The following CLINT1 variants were observed in gnomAD, a reference collection of about 807,000 sequenced individuals.
The protein encoded by CLINT1 is clathrin interactor 1.
Under a neutral mutation model 70.4 loss-of-function variants are expected in CLINT1, and 15 were observed. The ratio of observed to expected loss-of-function variants is 0.21; its 90% CI spans 0.14 to 0.33. The LOEUF (loss-of-function observed/expected upper bound fraction) is 0.33, where lower values mean the gene tolerates loss of function less well. Ranked by LOEUF, CLINT1 falls within the 10% of genes least tolerant of loss-of-function variation. The pLI, the probability that CLINT1 is intolerant of heterozygous loss-of-function variation, is 1.00. For synonymous variants in CLINT1, 227 were observed against 254.7 expected (o/e 0.89, Z 1.04); for missense variants, 615 against 778.1 (o/e 0.79, Z 2.49).
At chr5:157,851,762 T>C (rs1174622369) in intron 1 of CLINT1, among the ~76,000 whole-genome samples, 11 of 151,886 alleles carry the variant, frequency 7.2e-5, no homozygotes, top group Admixed American at 7.2e-4. Context: ...GTACAAACCA[T>C]TCATGTGCAC....
intron 3 of CLINT1, among the ~76,000 whole-genome samples, chr5:157,815,119 AT>A (rs1762678763): frequency 7.1e-6 from 1 of 140,772 alleles, no homozygotes; most frequent in African/African-American, 3.0e-5. Flanking sequence ...ATCTTCACAC[AT>A]ACACACACAC....
At chr5:157,800,899 T>C (rs1358830651) in intron 8 of CLINT1, among the ~76,000 whole-genome samples, 1 of 152,218 alleles carries the variant, frequency 6.6e-6, no homozygotes. Context: ...CTGACCTTCC[T>C]AGTTAATTCT....
intron 5 of CLINT1, among the ~76,000 whole-genome samples, chr5:157,811,272 T>A (rs1762547416): frequency 6.6e-6 from 1 of 152,112 alleles, no homozygotes; most frequent in Admixed American, 6.5e-5. Context: ...CCGGGTGCGG[T>A]GGCTCATGCC....
chr5:157,816,476 T>C (rs938497598), intron 3 of CLINT1, among the ~76,000 whole-genome samples: 2 of 152,182 alleles, frequency 1.3e-5, no homozygotes, highest in African/African-American at 4.8e-5. Flanking sequence ...TTATTTTTGA[T>C]ATGCACAAAC....
At chr5:157,793,598 A>G (rs1761981382) in intron 9 of CLINT1, among the ~76,000 whole-genome samples, 1 of 152,202 alleles carries the variant, frequency 6.6e-6, no homozygotes, top group African/African-American at 2.4e-5. Context: ...AACTTTATAT[A>G]CATAAAAACT....
At chr5:157,847,510 C>CAA (rs71285035) in intron 1 of CLINT1, among the ~76,000 whole-genome samples, 11 of 134,974 alleles carry the variant, frequency 8.1e-5, no homozygotes, top group Non-Finnish European at 1.4e-4. Flanking sequence ...GACTCCGTCT[C>CAA]AAAAAAAAAA....
intron 1 of CLINT1, among the ~76,000 whole-genome samples, chr5:157,848,750 C>T (rs907650392): frequency 3.9e-5 from 6 of 152,190 alleles, no homozygotes; most frequent in Non-Finnish European, 5.9e-5. Context: ...CAACCTCTGC[C>T]TCTGGGGTTC....
chr5:157,837,003 G>A (rs1296726261), intron 1 of CLINT1, among the ~76,000 whole-genome samples: 1 of 152,144 alleles, frequency 6.6e-6, no homozygotes, highest in South Asian at 2.1e-4. Flanking sequence ...TAAAAAGCCA[G>A]GTTATCCTGT....
At chr5:157,815,373 A>C (rs1762688168) in intron 3 of CLINT1, among the ~76,000 whole-genome samples, 1 of 151,218 alleles carries the variant, frequency 6.6e-6, no homozygotes, top group Non-Finnish European at 1.5e-5. Flanking sequence ...ATGACTGCTA[A>C]TGGGTGTAGG....
In CLINT1 at chr5:157,791,910, C is replaced by T; in HGVS notation, c.1173G>A (p.Glu391=). The T allele has an allele frequency of 1.2e-6, 2 of 1,614,014 alleles. No individual in the cohort carries two copies. The highest frequency in any genetic ancestry group is 8.5e-7 in the Non-Finnish European group (1 of 1,179,878). The change falls in exon 10 of 12, where the codon GAG becomes GAA. Residue 391 remains glutamate, a synonymous_variant. Coordinates refer to ENST00000411809, the MANE Select transcript of CLINT1 (RefSeq NM_014666.4). The part of the protein sequence containing the change: ...APSGPVASSG[E]FFGSASQPAV... ...CTGGCTGTGAGGCACTGCCAAAGAACTCGCCACTGGAAGCAACAGGGCCTG... is the reference window on the plus strand; with the variant it reads ...CTGGCTGTGAGGCACTGCCAAAGAATTCGCCACTGGAAGCAACAGGGCCTG...
At chr5:157,808,195 T>C (rs1185531120) in intron 6 of CLINT1, among the ~76,000 whole-genome samples, 2 of 151,980 alleles carry the variant, frequency 1.3e-5, no homozygotes, top group African/African-American at 4.8e-5. Context: ...TTTGGCTTGG[T>C]TTGGAAAACA....
intron 1 of CLINT1, among the ~76,000 whole-genome samples, chr5:157,824,389 G>A (rs777032929): frequency 2.1e-4 from 32 of 152,120 alleles, no homozygotes; most frequent in Non-Finnish European, 3.4e-4. Flanking sequence ...AATTCAACAG[G>A]TAGATTACTT....
intron 1 of CLINT1, among the ~76,000 whole-genome samples, chr5:157,853,550 G>A (rs55874021): frequency 5.3e-4 from 81 of 152,000 alleles, no homozygotes; most frequent in African/African-American, 1.9e-3. Context: ...TCTGAGGCAG[G>A]TGGATCACCT....
chr5:157,832,135 G>A (rs967137875), intron 1 of CLINT1, among the ~76,000 whole-genome samples: 32 of 151,922 alleles, frequency 2.1e-4, no homozygotes, highest in African/African-American at 7.3e-4. Context: ...TTACAGGCAC[G>A]TGCTGCCACG....
intron 1 of CLINT1, among the ~76,000 whole-genome samples, chr5:157,837,200 A>G (rs749007720): frequency 4.6e-5 from 7 of 152,146 alleles, no homozygotes; most frequent in African/African-American, 7.2e-5. Context: ...CCGGGAGTTT[A>G]AGACCATGCT....
chr5:157,800,208 T>C (rs1221851387), intron 8 of CLINT1, among the ~76,000 whole-genome samples: 1 of 152,162 alleles, frequency 6.6e-6, no homozygotes, highest in Non-Finnish European at 1.5e-5. Context: ...CCATATATAC[T>C]TTTGAGAATG....
chr5:157,803,818 A>T, intron 7 of CLINT1, 99 bp from the exon 8 acceptor site: 2 of 747,610 alleles, frequency 2.7e-6, no homozygotes, highest in Non-Finnish European at 4.0e-6. Flanking sequence ...AAATACCTGT[A>T]ATTAGCTTAA....
intron 1 of CLINT1, among the ~76,000 whole-genome samples, chr5:157,839,467 A>G (rs171712): frequency 0.56 from 84,345 of 151,792 alleles, 23,878 homozygotes; most frequent in East Asian, 0.79. Flanking sequence ...TGGGTGTGGT[A>G]GCAGGCAGGC....
intron 1 of CLINT1, among the ~76,000 whole-genome samples, chr5:157,844,115 A>G (rs1480701016): frequency 2.0e-5 from 3 of 152,090 alleles, no homozygotes; most frequent in African/African-American, 7.2e-5. Context: ...TTCACCAGTA[A>G]TTAAACTTAG....
Sources: gnomAD v4.1 joint callset for allele counts (sites outside exome capture counted in the v4.1 genomes callset) on GRCh38, gnomAD v4.1.1 for gene constraint, MANE v1.5 for transcripts, NCBI Gene and HGNC (gene_info 2026-07-23, HGNC 2026-07-21) for gene names.